Variants in LRBA observed in about 807,000 individuals in gnomAD.
The protein encoded by LRBA is lipopolysaccharide-responsive and beige-like anchor protein.
LRBA carries 176 observed loss-of-function variants against 330.0 expected under a neutral mutation model. That is an observed-to-expected ratio of 0.53 (90% CI 0.47 to 0.60). LRBA has a LOEUF of 0.60. Among genes scored for constraint, LRBA ranks in the 20% least tolerant of loss-of-function variants. The pLI is 0.00. For synonymous variants in LRBA, 1,230 were observed against 1,193.0 expected, an observed-to-expected ratio of 1.03 and a Z score of -0.64; for missense variants, 3,259 against 3,444.8, an observed-to-expected ratio of 0.95 and a Z score of 1.35.
intron 47 of LRBA, among the ~76,000 whole-genome samples, chr4:150,371,181 AATTTTTTTTTTT>A: frequency 7.3e-6 from 1 of 136,818 alleles, no homozygotes; most frequent in African/African-American, 3.2e-5. Flanking sequence ...CAAGCTACTA[AATTTTTTTTTTT>A]TTTTTTTTTT....
chr4:150,898,428 A>G (rs555658917), intron 14 of LRBA, among the ~76,000 whole-genome samples: 4 of 152,270 alleles, frequency 2.6e-5, no homozygotes, highest in South Asian at 2.1e-4. Flanking sequence ...TCTCAAACAT[A>G]TAATTCCCAA....
chr4:150,479,875 C>T (rs958908665), intron 42 of LRBA, among the ~76,000 whole-genome samples: 36 of 152,136 alleles, frequency 2.4e-4, no homozygotes, highest in African/African-American at 8.7e-4. Context: ...TGAGAGATTC[C>T]TTTGACAGCC....
At chr4:150,813,162 A>G (rs1485043932) in intron 31 of LRBA, among the ~76,000 whole-genome samples, 1 of 130,432 alleles carries the variant, frequency 7.7e-6, no homozygotes, top group Non-Finnish European at 1.5e-5. Flanking sequence ...TGTCTCAATT[A>G]AAAAAAAAAA....
chr4:150,954,895 A>G lies in LRBA; in HGVS notation c.217-25830T>C, dbSNP rs182862195. 1.7e-3 allele frequency among the ~76,000 whole-genome samples: 253 copies of G among 148,190 alleles called. 4 individuals are homozygous for G. Among genetic ancestry groups the G allele is most frequent in the Non-Finnish European group, 2.9e-3 (197 of 67,896 alleles). On this transcript the variant is annotated intron_variant, in intron 2 of 56. Coordinates refer to ENST00000651943, the MANE Select transcript of LRBA (RefSeq NM_001364905.1). ...CCATAAGGGAATAAAACTAGAAATC[A>G]TAACAGAAAGAAATTTTGGAAACTC...
At chr4:150,922,828 A>ATT (rs561233194) in intron 4 of LRBA, among the ~76,000 whole-genome samples, 332 of 152,282 alleles carry the variant, frequency 2.2e-3, no homozygotes, top group Non-Finnish European at 2.6e-3. Flanking sequence ...ACACTAAAAT[A>ATT]TTTTAACCTC....
intron 31 of LRBA, among the ~76,000 whole-genome samples, chr4:150,814,634 T>A (rs1333678163): frequency 6.6e-6 from 1 of 151,336 alleles, no homozygotes; most frequent in East Asian, 1.9e-4. Flanking sequence ...TAACTGTTTT[T>A]TTAAAAATGG....
rs1758874790 is a variant in LRBA, at chr4:150,491,044, G to T, written c.6331-9C>A. On this transcript the variant is annotated splice_polypyrimidine_tract_variant and intron_variant, in intron 40 of 56. Coordinates refer to ENST00000651943, the MANE Select transcript of LRBA (RefSeq NM_001364905.1). ...TCTGTATATGCCAAGATCTAATGAG[G>T]AAAAAAATAATCCCAGGTAAGTAAC... 7.2e-7 allele frequency: 1 copy of T among 1,396,716 alleles called. No homozygotes were observed. The highest frequency in any genetic ancestry group is 9.9e-7 in the Non-Finnish European group (1 of 1,009,026). The allele number at this position is 1,396,716 out of a possible 1,614,324, so 86.5% of individuals were successfully genotyped here.
intron 47 of LRBA, among the ~76,000 whole-genome samples, chr4:150,393,046 A>G (rs1744222034): frequency 2.0e-5 from 3 of 151,970 alleles, no homozygotes; most frequent in Non-Finnish European, 4.4e-5. Context: ...GATTCCATCC[A>G]TAGCAGATGG....
At chr4:150,445,101 C>A (rs1752416440) in intron 44 of LRBA, among the ~76,000 whole-genome samples, 1 of 151,954 alleles carries the variant, frequency 6.6e-6, no homozygotes, top group African/African-American at 2.4e-5. Flanking sequence ...CAAGATCTAT[C>A]AATTTGCAGA....
intron 38 of LRBA, chr4:150,596,979 C>T (rs1773561326): frequency 3.5e-6 from 2 of 565,672 alleles, no homozygotes; most frequent in Admixed American, 3.0e-5. Flanking sequence ...ATCTCCTACA[C>T]ATTTAGATTT....
chr4:150,656,715 T>C lies in LRBA; in HGVS notation c.5921+26836A>G, dbSNP rs550152924. ...ATGTTTATTGGGCACTATAATATTA[T>C]ACTAAAATGTAAGACCCATGAAGGC... On this transcript the variant is annotated intron_variant, in intron 37 of 56. Coordinates refer to ENST00000651943, the MANE Select transcript of LRBA (RefSeq NM_001364905.1). Among the ~76,000 whole-genome samples, 186 of 152,360 alleles carry C rather than the reference T, an allele frequency of 1.2e-3. 1 individual carries two copies. The highest frequency in any genetic ancestry group is 2.3e-3 in the Non-Finnish European group (158 of 68,030).
intron 38 of LRBA, among the ~76,000 whole-genome samples, chr4:150,596,238 G>T (rs1581773865): frequency 6.6e-6 from 1 of 151,858 alleles, no homozygotes; most frequent in Non-Finnish European, 1.5e-5. Flanking sequence ...GTAGCCAGAA[G>T]TAGAGTCATG....
intron 2 of LRBA, among the ~76,000 whole-genome samples, chr4:150,981,962 CA>C (rs57550785): frequency 0.13 from 8,171 of 63,936 alleles, 577 homozygotes; most frequent in African/African-American, 0.33. Context: ...GACTCCATCT[CA>C]AAAAAAAAAA....
intron 37 of LRBA, among the ~76,000 whole-genome samples, chr4:150,626,385 C>A (rs1348799530): frequency 6.6e-6 from 1 of 152,084 alleles, no homozygotes; most frequent in Admixed American, 6.6e-5. Flanking sequence ...CTGTATTTAT[C>A]AAAATAAGTT....
intron 35 of LRBA, among the ~76,000 whole-genome samples, chr4:150,740,031 G>A (rs1161813638): frequency 6.6e-6 from 1 of 152,120 alleles, no homozygotes; most frequent in Non-Finnish European, 1.5e-5. Context: ...TGATAATATT[G>A]TTAACACAGC....
intron 47 of LRBA, among the ~76,000 whole-genome samples, chr4:150,368,745 C>T (rs1172936933): frequency 6.6e-6 from 1 of 152,168 alleles, no homozygotes; most frequent in East Asian, 1.9e-4. Context: ...GTTTAACTTA[C>T]ACAAGGTGAT....
At chr4:150,489,951 T>C (rs1695614098) in intron 41 of LRBA, among the ~76,000 whole-genome samples, 1 of 150,652 alleles carries the variant, frequency 6.6e-6, no homozygotes, top group African/African-American at 2.4e-5. Context: ...GCATAAGAAA[T>C]TTCAAAGAAA....
At chr4:150,539,492 A>G (rs1372691042) in intron 40 of LRBA, among the ~76,000 whole-genome samples, 3 of 152,222 alleles carry the variant, frequency 2.0e-5, no homozygotes, top group Non-Finnish European at 2.9e-5. Context: ...CCTATCTCTA[A>G]AAGTTGGAAA....
At chr4:150,424,728 C>T (rs1361899795) in intron 46 of LRBA, among the ~76,000 whole-genome samples, 1 of 152,238 alleles carries the variant, frequency 6.6e-6, no homozygotes, top group Non-Finnish European at 1.5e-5. Flanking sequence ...ACCAGAGTAC[C>T]TGGAAAAAGC....
Sources: gnomAD v4.1 joint callset for allele counts (sites outside exome capture counted in the v4.1 genomes callset) on GRCh38, gnomAD v4.1.1 for gene constraint, MANE v1.5 for transcripts, NCBI Gene and HGNC (gene_info 2026-07-23, HGNC 2026-07-21) for gene names.